GBF1: variants seen among roughly 807,000 people sequenced by gnomAD.
GBF1 encodes golgi brefeldin A resistant guanine nucleotide exchange factor 1, also known as Golgi-specific brefeldin A-resistance guanine nucleotide exchange factor 1.
In GBF1, 114 loss-of-function variants were observed where a neutral mutation model predicts 210.5. The observed-to-expected ratio is 0.54, with a 90% CI of 0.47 to 0.63. GBF1 has a LOEUF of 0.63. Ranked by LOEUF, GBF1 falls within the 30% of genes least tolerant of loss-of-function variation. GBF1 has a pLI of 0.00. For synonymous variants in GBF1, 850 were observed against 889.2 expected, an observed-to-expected ratio of 0.96 and a Z score of 0.78; for missense variants, 1,851 against 2,357.7, an observed-to-expected ratio of 0.79 and a Z score of 4.45.
chr10:102,357,999 T>G, intron 8 of GBF1, 40 bp from the exon 9 acceptor site: 1 of 1,392,812 alleles, frequency 7.2e-7, no homozygotes, highest in Non-Finnish European at 1.0e-6. Flanking sequence ...GATAGAGTCT[T>G]AGTTTGAATA....
At chr10:102,318,635 A>G (rs1292172341) in intron 3 of GBF1, among the ~76,000 whole-genome samples, 1 of 152,146 alleles carries the variant, frequency 6.6e-6, no homozygotes, top group Non-Finnish European at 1.5e-5. Flanking sequence ...ATACATGTAC[A>G]TAGTTTTAAA....
At position 102,379,360 on chromosome 10, in the gene GBF1, T is replaced by C; in HGVS notation, c.4571T>C (p.Leu1524Pro). The stretch of plus-strand genomic sequence containing the variant: ...TCATGGGCGGAGGAGCAACGCCACC[T>C]GGAGACAGGTGGCCAGAAGATTGAA... ...YSSWAEEQRH[L>P]ETGGQKIEAD... Residue 1524 changes from leucine (L) to proline (P), a missense_variant, in exon 34 of 40, where the codon CTG becomes CCG. Coordinates refer to ENST00000369983, the MANE Select transcript of GBF1 (RefSeq NM_001377137.1). 4 of 1,614,016 alleles carry C rather than the reference T, an allele frequency of 2.5e-6. No homozygotes were observed. Among genetic ancestry groups the C allele is most frequent in the Non-Finnish European group, 3.4e-6 (4 of 1,179,982 alleles).
chr10:102,302,885 G>A (rs1272225364), intron 3 of GBF1, among the ~76,000 whole-genome samples: 2 of 151,808 alleles, frequency 1.3e-5, no homozygotes, highest in Admixed American at 1.3e-4. Context: ...GGCCCAAACT[G>A]TCGTTAGTGC....
At chr10:102,306,548 C>A (rs907728666) in intron 3 of GBF1, among the ~76,000 whole-genome samples, 5 of 152,174 alleles carry the variant, frequency 3.3e-5, no homozygotes, top group Admixed American at 3.3e-4. Flanking sequence ...CTCAGCCTCC[C>A]GAGTAGCTGG....
the GBF1 span, among the ~76,000 whole-genome samples, chr10:102,239,744 T>C: frequency 2.0e-5 from 3 of 152,360 alleles, no homozygotes; most frequent in East Asian, 1.9e-4. Flanking sequence ...TGCTCACTTA[T>C]ATGGACTCGT....
intron 1 of GBF1, among the ~76,000 whole-genome samples, chr10:102,250,666 T>C (rs2071400520): frequency 6.6e-6 from 1 of 151,834 alleles, no homozygotes; most frequent in Non-Finnish European, 1.5e-5. Context: ...TGTTTAAAAG[T>C]GATTAAGAGG....
Position 102,369,355 on chromosome 10 carries a change from C to T in GBF1, c.3118C>T (p.Arg1040Ter), listed in dbSNP as rs1364082114. ...CATGGAGGCCATGCTGCAGCTCTTCCGAGCCCAACTACTGCCCAAGGCTAT... is the reference window on the plus strand; with the variant it reads ...CATGGAGGCCATGCTGCAGCTCTTCTGAGCCCAACTACTGCCCAAGGCTAT... Reference protein sequence around the residue: ...NIMEAMLQLFRAQLLPKAMIE... With the variant: ...NIMEAMLQLF Residue 1040 changes from arginine to a stop codon, truncating the protein, a stop_gained, in exon 24 of 40, where the codon CGA becomes TGA. Coordinates refer to ENST00000369983, the MANE Select transcript of GBF1 (RefSeq NM_001377137.1). LOFTEE classifies it high-confidence loss of function. 6.2e-7 allele frequency: 1 copy of T among 1,613,672 alleles called. No individual in the cohort carries two copies. Among genetic ancestry groups the T allele is most frequent in the Non-Finnish European group, 8.5e-7 (1 of 1,179,712 alleles).
Position 102,366,431 on chromosome 10 carries a change from C to T in GBF1, c.2358C>T (p.Tyr786=), listed in dbSNP as rs147857323. ...GACTGGACGAAGCCCTCCGCCTCTA[C>T]CTGGAAGCCTTCCGTTTGCCTGGGG... ...GLRLDEALRL[Y]LEAFRLPGEA... The change falls in exon 19 of 40, where the codon TAC becomes TAT. Residue 786 remains tyrosine, a synonymous_variant. Transcript: ENST00000369983. This position sits in a 1 kb window ranked among gnomAD's most constrained non-coding sequence, Gnocchi z 4.0. The T allele has an allele frequency of 0.011, 17,536 of 1,613,986 alleles. 225 individuals carry two copies. Among genetic ancestry groups the T allele is most frequent in the Non-Finnish European group, 0.01 (12,047 of 1,179,842 alleles).
intron 29 of GBF1, among the ~76,000 whole-genome samples, chr10:102,372,087 G>C (rs1038103942): frequency 9.3e-5 from 14 of 149,812 alleles, no homozygotes; most frequent in Admixed American, 7.3e-4. Context: ...GTGATGGTGA[G>C]CGCCTGATTG....
chr10:102,379,934 G>T lies in GBF1; in HGVS notation c.4858G>T (p.Ala1620Ser), dbSNP rs1407776654. The change falls in exon 36 of 40, where the codon GCT becomes TCT. Residue 1620 changes from alanine to serine, a missense_variant. Physicochemically the swap from Ala to Ser is moderately conservative, Grantham distance 99. Transcript: ENST00000369983. ...TGGGATGGAGGAGACCCGGATGAGGGCTTCCACATTGCTCTCTAAGGTACT... is the reference window on the plus strand; with the variant it reads ...TGGGATGGAGGAGACCCGGATGAGGTCTTCCACATTGCTCTCTAAGGTACT... Reference protein sequence around the residue: ...VGGMEETRMRASTLLSKVFLQ... With the variant: ...VGGMEETRMRSSTLLSKVFLQ... 1 of 1,609,320 alleles carries T rather than the reference G, an allele frequency of 6.2e-7. No individual in the cohort carries two copies.
At chr10:102,264,553 C>T (rs902508999) in intron 3 of GBF1, among the ~76,000 whole-genome samples, 1 of 152,056 alleles carries the variant, frequency 6.6e-6, no homozygotes, top group African/African-American at 2.4e-5. Flanking sequence ...CTCTCTTTCC[C>T]CTCCCCCCAC....
At chr10:102,312,108 A>G (rs1178506323) in intron 3 of GBF1, among the ~76,000 whole-genome samples, 1 of 152,102 alleles carries the variant, frequency 6.6e-6, no homozygotes, top group African/African-American at 2.4e-5. Context: ...CCTGACCAGC[A>G]TGGAGAAACC....
chr10:102,297,471 T>C (rs1196606902), intron 3 of GBF1, among the ~76,000 whole-genome samples: 1 of 152,234 alleles, frequency 6.6e-6, no homozygotes, highest in East Asian at 1.9e-4. Flanking sequence ...AAAAACCATT[T>C]CTGTACTAGC....
intron 3 of GBF1, among the ~76,000 whole-genome samples, chr10:102,324,621 C>T (rs933197500): frequency 6.6e-6 from 1 of 152,070 alleles, no homozygotes; most frequent in Non-Finnish European, 1.5e-5. Flanking sequence ...GAGTTTCGCT[C>T]TGTCACCCAG....
At chr10:102,238,260 A>G in the GBF1 span, among the ~76,000 whole-genome samples, 1 of 152,158 alleles carries the variant, frequency 6.6e-6, no homozygotes, top group Non-Finnish European at 1.5e-5. Context: ...TTAGTCTAGG[A>G]GGCATCATTT....
intron 3 of GBF1, among the ~76,000 whole-genome samples, chr10:102,264,346 C>T (rs2073614588): frequency 6.6e-6 from 1 of 152,166 alleles, no homozygotes; most frequent in South Asian, 2.1e-4. Context: ...TTATGTCTCT[C>T]TCATTAACTC....
At chr10:102,288,647 C>G (rs1189332488) in intron 3 of GBF1, among the ~76,000 whole-genome samples, 3 of 143,120 alleles carry the variant, frequency 2.1e-5, no homozygotes, top group Non-Finnish European at 4.5e-5. Context: ...GGAAGCGGAG[C>G]TTGCAGTGAG....
At chr10:102,346,223 C>T (rs1320253379) in intron 4 of GBF1, among the ~76,000 whole-genome samples, 1 of 152,062 alleles carries the variant, frequency 6.6e-6, no homozygotes, top group East Asian at 1.9e-4. Context: ...CCTTGTGATC[C>T]ACCCGCCTCG....
intron 3 of GBF1, among the ~76,000 whole-genome samples, chr10:102,286,475 G>A (rs1252488972): frequency 6.6e-6 from 1 of 152,194 alleles, no homozygotes; most frequent in Non-Finnish European, 1.5e-5. Context: ...GAGCCAAATG[G>A]TATGTATGGA....
Sources: gnomAD v4.1 joint callset for allele counts (sites outside exome capture counted in the v4.1 genomes callset) on GRCh38, gnomAD v4.1.1 for gene constraint, Gnocchi (gnomAD v3.1) non-coding constraint, MANE v1.5 for transcripts, NCBI Gene and HGNC (gene_info 2026-07-23, HGNC 2026-07-21) for gene names.